RSPRY1: variants seen among roughly 807,000 people sequenced by gnomAD.
RSPRY1 encodes the protein RING finger and SPRY domain-containing protein 1.
In RSPRY1, 23 loss-of-function variants were observed where a neutral mutation model predicts 73.1. The observed-to-expected ratio is 0.31, with a 90% CI of 0.23 to 0.45. RSPRY1 has a LOEUF of 0.45. Among genes scored for constraint, RSPRY1 ranks in the 20% least tolerant of loss-of-function variants. The pLI, the probability that RSPRY1 is intolerant of heterozygous loss-of-function variation, is 1.00. For missense variants in RSPRY1, 448 were observed against 698.7 expected, an observed-to-expected ratio of 0.64 and a Z score of 4.05; for synonymous variants, 226 against 251.4, an observed-to-expected ratio of 0.90 and a Z score of 0.95.
intron 12 of RSPRY1, among the ~76,000 whole-genome samples, 171 bp downstream of exon 12, chr16:57,230,984 CA>C (rs2075210152): frequency 6.6e-6 from 1 of 152,190 alleles, no homozygotes; most frequent in Non-Finnish European, 1.5e-5. Flanking sequence ...AAGTTTGATA[CA>C]GGAAGATAAG....
intron 1 of RSPRY1, among the ~76,000 whole-genome samples, chr16:57,194,636 A>G (rs1567482763): frequency 6.6e-6 from 1 of 152,206 alleles, no homozygotes; most frequent in Non-Finnish European, 1.5e-5. Flanking sequence ...AGATTATAAC[A>G]ATAGTAATTT....
chr16:57,216,976 A>G lies in RSPRY1; in HGVS notation c.842A>G (p.Asp281Gly). Residue 281 changes from aspartate to glycine, a missense_variant, in exon 8 of 15, where the codon GAT (aspartate) becomes GGT (glycine). By Grantham distance (94) the Asp-to-Gly change is moderately conservative (BLOSUM62 -1). Transcript: ENST00000394420. The stretch of plus-strand genomic sequence containing the variant: ...GTCACATTGGAGTCCTGGGCTAATG[A>G]TCCTGATTATCTGAAACGTCAAGTT... ...RLVTLESWAN[D>G]PDYLKRQVGF... The G allele has an allele frequency of 6.2e-7, 1 of 1,614,024 alleles. No homozygotes were observed. Among genetic ancestry groups the G allele is most frequent in the Non-Finnish European group, 8.5e-7 (1 of 1,179,920 alleles).
At chr16:57,191,701 C>A (rs1365504637) in intron 1 of RSPRY1, among the ~76,000 whole-genome samples, 1 of 152,056 alleles carries the variant, frequency 6.6e-6, no homozygotes, top group Admixed American at 6.5e-5. Context: ...TTTATACCAA[C>A]AATATTTTGG....
chr16:57,235,655 G>A (rs758436672), intron 14 of RSPRY1, among the ~76,000 whole-genome samples: 1 of 152,198 alleles, frequency 6.6e-6, no homozygotes, highest in Non-Finnish European at 1.5e-5. Context: ...AGAGAAGCAA[G>A]TAAGATGGTC....
At chr16:57,225,728 T>C (rs536656060) in intron 10 of RSPRY1, among the ~76,000 whole-genome samples, 75 of 152,372 alleles carry the variant, frequency 4.9e-4, no homozygotes, top group African/African-American at 1.7e-3. Flanking sequence ...TCTTAAGATC[T>C]CAGCCACCCT....
At position 57,213,006 on chromosome 16, in the gene RSPRY1, TA is replaced by T; in HGVS notation, c.554del (p.Asn185MetfsTer4). ...CAGAAATTGACTGAAATTCTCAATT[TA>T]AATGGAGAAGTAGCTTGCCAGGACT... ...ALQKLTEILNLNGEVACQDSS... is the reference protein window; with the variant it reads ...ALQKLTEILNXNGEVACQDSS... On this transcript the variant is annotated frameshift_variant, in exon 5 of 15. Transcript: ENST00000394420. LOFTEE classifies it high-confidence loss of function. The T allele has an allele frequency of 6.2e-7, 1 of 1,614,098 alleles. No individual in the cohort carries two copies. Among genetic ancestry groups the T allele is most frequent in the Non-Finnish European group, 8.5e-7 (1 of 1,180,004 alleles).
rs148746469 is a variant in RSPRY1 at position 57,208,655 on chromosome 16, C to G, written c.404-420C>G. ...GCTCAAGGGATCCTCCTGCCTCAGCCTCCCAAAGTGCTGGGATTACAGGTG... is the reference window on the plus strand; with the variant it reads ...GCTCAAGGGATCCTCCTGCCTCAGCGTCCCAAAGTGCTGGGATTACAGGTG... On this transcript the variant is annotated intron_variant, in intron 3 of 14. Transcript: ENST00000394420. Among the ~76,000 whole-genome samples the G allele has an allele frequency of 2.6e-3, 399 of 152,140 alleles. 2 individuals are homozygous for G. Among genetic ancestry groups the G allele is most frequent in the African/African-American group, 8.9e-3 (370 of 41,498 alleles).
At chr16:57,214,007 T>C in intron 6 of RSPRY1, 61 bp downstream of exon 6, 1 of 1,152,060 alleles carries the variant, frequency 8.7e-7, no homozygotes, top group Non-Finnish European at 1.3e-6. Flanking sequence ...CATCTAGAAC[T>C]GTGCATTTTC....
intron 9 of RSPRY1, 39 bp from the exon 10 acceptor site, chr16:57,221,233 G>A (rs370604227): frequency 2.3e-5 from 37 of 1,608,698 alleles, no homozygotes; most frequent in Non-Finnish European, 2.7e-5. Context: ...TGGTCTTCAG[G>A]CCCTCATAGT....
chr16:57,209,282 T>G (rs2074788770), intron 4 of RSPRY1, 95 bp downstream of exon 4: 1 of 811,044 alleles, frequency 1.2e-6, no homozygotes, highest in Non-Finnish European at 2.0e-6. Context: ...GTTTCATCTT[T>G]ATACATTTGG....
intron 8 of RSPRY1, chr16:57,220,281 A>G (rs1472364522): frequency 6.4e-6 from 1 of 155,666 alleles, no homozygotes; most frequent in African/African-American, 2.4e-5. Context: ...GAGTCTTCCA[A>G]TCCATGACCA....
At chr16:57,224,279 CA>C (rs1567510505) in intron 10 of RSPRY1, 1 of 152,208 alleles carries the variant, frequency 6.6e-6, no homozygotes, top group Non-Finnish European at 1.5e-5. Flanking sequence ...TGGGAAGGTC[CA>C]GCTGGCCAAG....
At chr16:57,196,279 T>TTA (rs1161014380) in intron 1 of RSPRY1, among the ~76,000 whole-genome samples, 31 of 152,170 alleles carry the variant, frequency 2.0e-4, no homozygotes, top group African/African-American at 7.0e-4. Context: ...CTTTTTAGGC[T>TTA]GACCTCTCCA....
intron 1 of RSPRY1, among the ~76,000 whole-genome samples, chr16:57,189,646 CAGT>C: frequency 7.3e-6 from 1 of 136,202 alleles, no homozygotes; most frequent in Non-Finnish European, 1.5e-5. Flanking sequence ...GGCTAGAGTG[CAGT>C]GGTGCAATCA....
chr16:57,212,856 G>T lies in RSPRY1; in HGVS notation c.517-116G>T, dbSNP rs532134920. On this transcript the variant is annotated intron_variant, in intron 4 of 14. Coordinates refer to ENST00000394420, the MANE Select transcript of RSPRY1 (RefSeq NM_133368.3). Reference sequence around the variant, plus strand: ...TGTCGAACTCTTGACCTTGTGGTCCGCCCGCCTCGGCCTCCCAAAGTGCTG... The same window carrying T: ...TGTCGAACTCTTGACCTTGTGGTCCTCCCGCCTCGGCCTCCCAAAGTGCTG... The T allele has an allele frequency of 6.9e-6, 7 of 1,019,436 alleles. No individual in the cohort carries two copies. The African/African-American group carries it at 1.2e-4, about 17-fold the overall frequency. The allele number at this position is 1,019,436 out of a possible 1,614,324, so 63.1% of individuals were successfully genotyped here.
chr16:57,192,706 CTCTT>C (rs1853119912), intron 1 of RSPRY1, among the ~76,000 whole-genome samples: 1 of 143,928 alleles, frequency 6.9e-6, no homozygotes, highest in African/African-American at 2.6e-5. Flanking sequence ...TTTCCAGAGA[CTCTT>C]TTTTTTTTTT....
At position 57,230,811 on chromosome 16, in the gene RSPRY1, T is replaced by C. The variant is rs780959412; in HGVS notation, c.1374T>C (p.Thr458=). The change falls in exon 12 of 15, where the codon ACT becomes ACC. Residue 458 remains threonine (T), a splice_region_variant and synonymous_variant. Coordinates refer to ENST00000394420, the MANE Select transcript of RSPRY1 (RefSeq NM_133368.3). ...CTGAAAAGCAAGTCTTTTCATCTAC[T>C]GTGTAAGTAGCTCTTCTCAGTCAAA... The part of the protein sequence containing the change: ...LPPEKQVFSS[T]VSGFFAAASF... 7 of 1,577,592 alleles carry C rather than the reference T, an allele frequency of 4.4e-6. No individual in the cohort carries two copies. Among genetic ancestry groups the C allele is most frequent in the South Asian group, 2.2e-5 (2 of 90,358 alleles).
At chr16:57,193,351 A>G (rs2074383539) in intron 1 of RSPRY1, among the ~76,000 whole-genome samples, 1 of 152,216 alleles carries the variant, frequency 6.6e-6, no homozygotes, top group Non-Finnish European at 1.5e-5. Flanking sequence ...ACTCTTGTTG[A>G]AACATCTTTA....
chr16:57,221,520 ATCTT>A, intron 10 of RSPRY1, 105 bp downstream of exon 10: 1 of 1,256,180 alleles, frequency 8.0e-7, no homozygotes, highest in Non-Finnish European at 1.1e-6. Context: ...TTGCTCAATA[ATCTT>A]TTCTTGGGCA....
Sources: allele counts gnomAD v4.1 joint callset (sites outside exome capture counted in the v4.1 genomes callset), GRCh38; gene constraint gnomAD v4.1.1; transcripts MANE v1.5; gene names NCBI Gene and HGNC (gene_info 2026-07-23, HGNC 2026-07-21).